ADGRL2: variants seen among roughly 807,000 people sequenced by gnomAD.
ADGRL2 encodes calcium-independent alpha-latrotoxin receptor 2.
In ADGRL2, 44 loss-of-function variants were observed where a neutral mutation model predicts 157.4. That is an observed-to-expected ratio of 0.28 (90% confidence interval 0.22 to 0.36). ADGRL2 has a LOEUF of 0.36. Ranked by LOEUF, ADGRL2 falls within the 10% of genes least tolerant of loss-of-function variation. The pLI, the probability that ADGRL2 is intolerant of heterozygous loss-of-function variation, is 1.00. For synonymous variants in ADGRL2, 585 were observed against 624.7 expected, an observed-to-expected ratio of 0.94 and a Z score of 0.95; for missense variants, 1,510 against 1,768.9, an observed-to-expected ratio of 0.85 and a Z score of 2.63.
At chr1:81,415,926 G>A (rs555760884) in intron 1 of ADGRL2, among the ~76,000 whole-genome samples, 1 of 150,086 alleles carries the variant, frequency 6.7e-6, no homozygotes, top group African/African-American at 2.5e-5. Flanking sequence ...CTGCAAGCTC[G>A]GCCTCCCGGG....
chr1:81,829,582 T>C (rs1163966981), intron 1 of ADGRL2, among the ~76,000 whole-genome samples: 1 of 152,208 alleles, frequency 6.6e-6, no homozygotes, highest in Non-Finnish European at 1.5e-5. Context: ...GTTATTATAA[T>C]ATTCCTGTCA....
chr1:81,668,726 C>G (rs894720477), intron 3 of ADGRL2, among the ~76,000 whole-genome samples: 1 of 130,006 alleles, frequency 7.7e-6, no homozygotes, highest in African/African-American at 3.3e-5. Flanking sequence ...CCAGGCCCGG[C>G]TAATTTTTTT....
At chr1:81,357,756 C>T (rs1663421832) in intron 1 of ADGRL2, among the ~76,000 whole-genome samples, 4 of 152,140 alleles carry the variant, frequency 2.6e-5, no homozygotes, top group African/African-American at 7.2e-5. Context: ...TAAGGTCCTA[C>T]AGCCAATAAC....
chr1:81,981,819 T>G lies in ADGRL2; in HGVS notation c.3125T>G (p.Leu1042Arg). ...CTTTATTTTTCCAGGTCTTGGGTGC[T>G]TGGCGCTTTCGCTCTTCTGTGTCTT... ...SRLENIKSWV[L>R]GAFALLCLLG... Residue 1042 changes from leucine (L) to arginine (R), a missense_variant, in exon 19 of 24, where the codon CTT becomes CGT. Transcript: ENST00000686636. The G allele has an allele frequency of 6.2e-7, 1 of 1,607,392 alleles. No homozygotes were observed.
At chr1:81,515,990 T>C (rs115862850) in intron 2 of ADGRL2, among the ~76,000 whole-genome samples, 255 of 152,346 alleles carry the variant, frequency 1.7e-3, no homozygotes, top group African/African-American at 5.9e-3. Context: ...ATTGTCAGAA[T>C]GAACTATTTA....
chr1:81,761,204 A>G (rs2085870068), intron 1 of ADGRL2, among the ~76,000 whole-genome samples: 1 of 151,870 alleles, frequency 6.6e-6, no homozygotes, highest in Non-Finnish European at 1.5e-5. Flanking sequence ...AGATATCTTA[A>G]CACATCATAA....
At chr1:81,946,063 G>A (rs1165038093) in intron 6 of ADGRL2, among the ~76,000 whole-genome samples, 1 of 152,086 alleles carries the variant, frequency 6.6e-6, no homozygotes, top group Non-Finnish European at 1.5e-5. Context: ...ATAGAACAGA[G>A]CAATCAGAGA....
chr1:81,950,528 T>C, intron 7 of ADGRL2, 46 bp downstream of exon 7: 1 of 1,516,530 alleles, frequency 6.6e-7, no homozygotes, highest in Non-Finnish European at 9.0e-7. Context: ...ATTTAGTAAG[T>C]AGGTTCTGTA....
chr1:81,964,551 G>T (rs896624728), intron 11 of ADGRL2, among the ~76,000 whole-genome samples: 4 of 151,944 alleles, frequency 2.6e-5, no homozygotes, highest in African/African-American at 9.7e-5. Context: ...TTGACATGTG[G>T]TTTAATTGCT....
At chr1:81,502,366 T>C (rs535113915) in intron 2 of ADGRL2, 32 of 1,614,134 alleles carry the variant, frequency 2.0e-5, no homozygotes, top group African/African-American at 4.0e-5. Context: ...ATGATGCAGA[T>C]GGAGGCCGGG....
chr1:81,802,848 G>C (rs2088475197), intron 1 of ADGRL2, among the ~76,000 whole-genome samples: 7 of 152,102 alleles, frequency 4.6e-5, no homozygotes, highest in Admixed American at 4.6e-4. Flanking sequence ...CAGTGGTTAG[G>C]TGGTGTGGGG....
chr1:81,654,520 T>C (rs1460393743), intron 3 of ADGRL2, among the ~76,000 whole-genome samples: 2 of 152,212 alleles, frequency 1.3e-5, no homozygotes, highest in Admixed American at 6.5e-5. Flanking sequence ...TCAATTAAGC[T>C]TCTTATCACA....
chr1:81,687,530 G>T (rs1269889151), intron 3 of ADGRL2, among the ~76,000 whole-genome samples: 1 of 152,112 alleles, frequency 6.6e-6, no homozygotes, highest in Non-Finnish European at 1.5e-5. Context: ...GTTTATGTAA[G>T]TCCTTAAGTG....
At position 81,966,537 on chromosome 1, in the gene ADGRL2, A is replaced by G. The variant is rs151060845; in HGVS notation, c.2277A>G (p.Ser759=). The G allele has an allele frequency of 1.3e-3, 2,170 of 1,614,082 alleles. 2 individuals are homozygous for G. Among genetic ancestry groups the G allele is most frequent in the Non-Finnish European group, 1.7e-3 (2,031 of 1,179,984 alleles). Residue 759 remains serine, a synonymous_variant, in exon 13 of 24, where the codon TCA becomes TCG. Coordinates refer to ENST00000686636, the MANE Select transcript of ADGRL2 (RefSeq NM_001366006.2). ...STIAVNSHVI[S]VSINKESSRV... ...TTGCAGTGAACTCTCACGTCATTTCAGTTTCAATCAATAAAGAGTCCAGCC... is the reference window on the plus strand; with the variant it reads ...TTGCAGTGAACTCTCACGTCATTTCGGTTTCAATCAATAAAGAGTCCAGCC...
chr1:81,686,643 C>T (rs1282386963), intron 3 of ADGRL2, among the ~76,000 whole-genome samples: 1 of 152,044 alleles, frequency 6.6e-6, no homozygotes, highest in African/African-American at 2.4e-5. Context: ...TTTAATTCTG[C>T]TCTGATCTCG....
intron 2 of ADGRL2, among the ~76,000 whole-genome samples, chr1:81,535,930 A>T (rs17106656): frequency 0.014 from 2,105 of 152,322 alleles, 67 homozygotes; most frequent in African/African-American, 0.048. Context: ...TTCTAAATGT[A>T]CTTCCAGACA....
intron 2 of ADGRL2, among the ~76,000 whole-genome samples, chr1:81,495,472 T>C (rs2078712733): frequency 6.6e-6 from 1 of 152,180 alleles, no homozygotes. Flanking sequence ...TAAATTCCAT[T>C]TGTGCTGCAA....
chr1:81,560,112 C>A (rs1336896019), intron 2 of ADGRL2, among the ~76,000 whole-genome samples: 1 of 152,056 alleles, frequency 6.6e-6, no homozygotes, highest in East Asian at 1.9e-4. Context: ...TTCACAATGC[C>A]TAACAGTGAT....
Position 81,770,879 on chromosome 1 carries a change from T to G in ADGRL2, c.-101+9027T>G, listed in dbSNP as rs142252198. 8.4e-3 allele frequency among the ~76,000 whole-genome samples: 1,280 copies of G among 152,290 alleles called. 20 individuals carry two copies. Among genetic ancestry groups the G allele is most frequent in the African/African-American group, 0.029 (1,211 of 41,584 alleles). ...TAAATTATATATGTGTAGTTATTTA[T>G]TTTTAAAAAGAATTTGTTTCCATAC... On this transcript the variant is annotated intron_variant, in intron 2 of 20. Transcript: ENST00000359929.
Sources: allele counts gnomAD v4.1 joint callset (sites outside exome capture counted in the v4.1 genomes callset), GRCh38; gene constraint gnomAD v4.1.1; transcripts MANE v1.5; gene names NCBI Gene and HGNC (gene_info 2026-07-23, HGNC 2026-07-21).